PRCP: variants seen among roughly 807,000 people sequenced by gnomAD.
PRCP encodes lysosomal Pro-X carboxypeptidase.
In PRCP, 46 loss-of-function variants were observed where a neutral mutation model predicts 54.2. The observed-to-expected ratio is 0.85, with a 90% CI of 0.67 to 1.09. The LOEUF (loss-of-function observed/expected upper bound fraction) is 1.09. Ranked by LOEUF, PRCP falls within the 50% of genes least tolerant of loss-of-function variation. PRCP has a pLI of 0.00. For missense variants in PRCP, 613 were observed against 596.8 expected, an observed-to-expected ratio of 1.03 and a Z score of -0.28; for synonymous variants, 240 against 212.2, an observed-to-expected ratio of 1.13 and a Z score of -1.14.
intron 4 of PRCP, 53 bp from the exon 5 acceptor site, chr11:82,850,124 TA>T: frequency 1.2e-6 from 1 of 826,910 alleles, no homozygotes; most frequent in Non-Finnish European, 1.6e-6. Flanking sequence ...AATATATATA[TA>T]TATTATATAT....
chr11:82,886,114 C>T (rs1308704656), intron 1 of PRCP, among the ~76,000 whole-genome samples: 2 of 152,162 alleles, frequency 1.3e-5, no homozygotes, highest in African/African-American at 4.8e-5. Flanking sequence ...TTCTGTAACA[C>T]AAAGTCAAAG....
intron 1 of PRCP, among the ~76,000 whole-genome samples, chr11:82,878,234 G>A (rs1047995497): frequency 4.6e-5 from 7 of 152,186 alleles, no homozygotes; most frequent in Admixed American, 1.3e-4. Context: ...CTCATAAGCA[G>A]AAGGGACTTG....
intron 2 of PRCP, among the ~76,000 whole-genome samples, chr11:82,855,617 C>G (rs954902817): frequency 1.3e-5 from 2 of 151,548 alleles, no homozygotes; most frequent in African/African-American, 4.9e-5. Flanking sequence ...AGACTCTGTT[C>G]AAAAAATAAT....
chr11:82,850,302 T>C (rs749935525), intron 4 of PRCP, 22 bp downstream of exon 4: 34 of 1,434,332 alleles, frequency 2.4e-5, no homozygotes, highest in Non-Finnish European at 3.1e-5. Flanking sequence ...GAAACGTTCA[T>C]GTCCAGTACA....
At chr11:82,888,152 G>C (rs796859326) in intron 1 of PRCP, among the ~76,000 whole-genome samples, 5 of 152,284 alleles carry the variant, frequency 3.3e-5, no homozygotes, top group African/African-American at 1.2e-4. Context: ...TGATGGGTGA[G>C]AAAAAGTATC....
Position 82,823,447 on chromosome 11 carries a change from A to G in PRCP, c.*1459T>C. ...ACAATGAGAACTGAAGGCTCCCAAA[A>G]TAAGACAAAGATTTTCCTGTATCTC... On this transcript the variant is annotated 3_prime_UTR_variant, in exon 9 of 9. Transcript: ENST00000313010. 6.6e-6 allele frequency: 1 copy of G among 152,172 alleles called. No individual in the cohort carries two copies. The highest frequency in any genetic ancestry group is 1.9e-4 in the East Asian group (1 of 5,200). The allele number at this position is 152,172 out of a possible 1,614,324, so 9.4% of individuals were successfully genotyped here.
chr11:82,824,770 C>A lies in PRCP; in HGVS notation c.*136G>T. 1.1e-6 allele frequency: 1 copy of A among 869,588 alleles called. No homozygotes were observed. The highest frequency in any genetic ancestry group is 1.8e-6 in the Non-Finnish European group (1 of 568,098). The allele number at this position is 869,588 out of a possible 1,614,324, so 53.9% of individuals were successfully genotyped here. A position where few individuals can be genotyped will look rare whatever the true frequency, so the allele number is the denominator to read the frequency against. ...GACACTTGCTCTTACCGTCATCACC[C>A]TCTATTCTATCTCAACTTTGGCCCC... On this transcript the variant is annotated 3_prime_UTR_variant, in exon 9 of 9. Transcript: ENST00000313010.
intron 1 of PRCP, among the ~76,000 whole-genome samples, chr11:82,880,033 T>C (rs1347384919): frequency 6.6e-6 from 1 of 152,196 alleles, no homozygotes; most frequent in Non-Finnish European, 1.5e-5. Flanking sequence ...TCAAACTCCA[T>C]GCTGGGAGAA....
chr11:82,862,512 T>G (rs1859231083), intron 1 of PRCP, among the ~76,000 whole-genome samples: 1 of 152,192 alleles, frequency 6.6e-6, no homozygotes, highest in Non-Finnish European at 1.5e-5. Context: ...TGCTTAGTTT[T>G]GACCTAAACC....
At chr11:82,845,826 C>CA (rs1474400252) in intron 6 of PRCP, 1 of 152,202 alleles carries the variant, frequency 6.6e-6, no homozygotes, top group Non-Finnish European at 1.5e-5. Flanking sequence ...AGTCAAATGA[C>CA]AGAGGGGTTT....
chr11:82,868,752 T>C (rs1328660107), intron 1 of PRCP, among the ~76,000 whole-genome samples: 1 of 152,112 alleles, frequency 6.6e-6, no homozygotes, highest in Non-Finnish European at 1.5e-5. Flanking sequence ...TTAGACTCAC[T>C]GGGCTGCCAC....
intron 8 of PRCP, chr11:82,828,901 A>G (rs1033895846): frequency 6.6e-6 from 1 of 152,130 alleles, no homozygotes; most frequent in Non-Finnish European, 1.5e-5. Flanking sequence ...TATCCTTTCC[A>G]TTGTTCAGGC....
Position 82,825,099 on chromosome 11 carries a change from G to T in PRCP, c.1298C>A (p.Ser433Ter). Reference protein sequence around the residue: ...VFSNGELDPWSGGGVTKDITD... With the variant: ...VFSNGELDPW ...GATATCCTTAGTTACTCCACCTCCT[G>T]ACCAGGGGTCTAGTTCACCATTGCT... The change falls in exon 9 of 9, where the codon TCA (serine) becomes TAA (stop). Residue 433 changes from serine (S) to a stop codon, truncating the protein, a stop_gained. Coordinates refer to ENST00000313010, the MANE Select transcript of PRCP (RefSeq NM_005040.4). LOFTEE classifies it high-confidence loss of function. The T allele has an allele frequency of 6.2e-7, 1 of 1,613,742 alleles. No homozygotes were observed. The highest frequency in any genetic ancestry group is 1.1e-5 in the South Asian group (1 of 90,986).
intron 6 of PRCP, chr11:82,839,803 C>T (rs1858616476): frequency 9.5e-6 from 2 of 209,990 alleles, no homozygotes; most frequent in South Asian, 1.5e-4. Flanking sequence ...TCCACTAATG[C>T]CTTTGAACAC....
intron 8 of PRCP, chr11:82,829,376 C>T (rs1858322428): frequency 6.6e-6 from 1 of 152,282 alleles, no homozygotes; most frequent in Non-Finnish European, 1.5e-5. Flanking sequence ...TGACCTTACT[C>T]CACGTGAAGA....
At chr11:82,857,694 A>G (rs76246525) in intron 2 of PRCP, among the ~76,000 whole-genome samples, 5,405 of 152,306 alleles carry the variant, frequency 0.035, 295 homozygotes, top group African/African-American at 0.12. Flanking sequence ...AAGAACCTCA[A>G]GTGTTTTTGT....
At chr11:82,844,575 A>T (rs1237434344) in intron 6 of PRCP, among the ~76,000 whole-genome samples, 2 of 151,884 alleles carry the variant, frequency 1.3e-5, no homozygotes, top group Non-Finnish European at 2.9e-5. Context: ...CGTCTCTACT[A>T]AAAATACAAA....
intron 1 of PRCP, among the ~76,000 whole-genome samples, chr11:82,892,428 AT>A (rs563171845): frequency 7.3e-4 from 111 of 152,284 alleles, no homozygotes; most frequent in African/African-American, 2.5e-3. Flanking sequence ...AAAGAAAAAA[AT>A]ATTTTTATAA....
At chr11:82,831,792 A>G (rs1440863340) in intron 8 of PRCP, among the ~76,000 whole-genome samples, 1 of 151,986 alleles carries the variant, frequency 6.6e-6, no homozygotes, top group Non-Finnish European at 1.5e-5. Context: ...ACATAGGTAT[A>G]CACATGTCAT....
Sources: allele counts gnomAD v4.1 joint callset (sites outside exome capture counted in the v4.1 genomes callset), GRCh38; gene constraint gnomAD v4.1.1; transcripts MANE v1.5; gene names NCBI Gene and HGNC (gene_info 2026-07-23, HGNC 2026-07-21).